RDX: variants seen among roughly 807,000 people sequenced by gnomAD.
The protein encoded by RDX is deafness, autosomal recessive 24.
A neutral mutation model predicts 83.7 loss-of-function variants in RDX; 32 were observed. The ratio of observed to expected loss-of-function variants is 0.38; its 90% CI spans 0.29 to 0.51. The LOEUF (loss-of-function observed/expected upper bound fraction) is 0.51. Ranked by LOEUF, RDX falls within the 20% of genes least tolerant of loss-of-function variation. RDX has a pLI of 0.87. For synonymous variants in RDX, 229 were observed against 222.7 expected (o/e 1.03, Z -0.25); for missense variants, 600 against 689.9 (o/e 0.87, Z 1.46).
intron 15 of RDX, among the ~76,000 whole-genome samples, chr11:110,180,721 G>A (rs1337029344): frequency 6.6e-6 from 1 of 151,474 alleles, no homozygotes; most frequent in Non-Finnish European, 1.5e-5. Flanking sequence ...TGCGATCTCG[G>A]CTAACTGCAA....
chr11:110,285,061 C>G (rs78561924), intron 1 of RDX, among the ~76,000 whole-genome samples: 5,740 of 152,128 alleles, frequency 0.038, 360 homozygotes, highest in African/African-American at 0.13. Context: ...TGTTTTTACA[C>G]CAATTTAGTG....
downstream of RDX, among the ~76,000 whole-genome samples, chr11:110,227,063 AT>A (rs549184291): frequency 4.4e-4 from 67 of 152,264 alleles, no homozygotes; most frequent in South Asian, 4.8e-3. Flanking sequence ...CTAGACTTGA[AT>A]TTCATAGACT....
In RDX at chr11:110,236,004, A is replaced by G. The variant is rs1393225957; in HGVS notation, c.1344+95T>C. Reference sequence around the variant, plus strand: ...AACACGAGTATCTTTCCCACTCTAAATTATGACAGTATCTTACACTTATCA... The same window carrying G: ...AACACGAGTATCTTTCCCACTCTAAGTTATGACAGTATCTTACACTTATCA... On this transcript the variant is annotated intron_variant, in intron 12 of 13. Transcript: ENST00000645495. The G allele has an allele frequency of 1.4e-5, 12 of 885,444 alleles. 1 individual carries two copies. Among genetic ancestry groups the G allele is most frequent in the South Asian group, 9.5e-5 (7 of 73,754 alleles). The allele number at this position is 885,444 out of a possible 1,614,324, so 54.8% of individuals were successfully genotyped here.
intron 2 of RDX, among the ~76,000 whole-genome samples, chr11:110,275,519 TTAAC>T (rs901900409): frequency 6.6e-6 from 1 of 152,196 alleles, no homozygotes; most frequent in African/African-American, 2.4e-5. Context: ...TACAATACGT[TTAAC>T]TGACCACTCA....
At chr11:110,189,486 T>C (rs550062364) in intron 15 of RDX, among the ~76,000 whole-genome samples, 1 of 152,244 alleles carries the variant, frequency 6.6e-6, no homozygotes, top group Non-Finnish European at 1.5e-5. Flanking sequence ...TGGACTTAAA[T>C]TTGACATTTG....
intron 8 of RDX, 54 bp downstream of exon 8, chr11:110,255,235 G>A: frequency 1.1e-6 from 1 of 922,664 alleles, no homozygotes; most frequent in Non-Finnish European, 1.8e-6. Flanking sequence ...GATATCATGG[G>A]AAACTAGCAG....
chr11:110,296,233 C>T (rs568387871), intron 1 of RDX, among the ~76,000 whole-genome samples: 1 of 152,078 alleles, frequency 6.6e-6, no homozygotes, highest in Admixed American at 6.5e-5. Context: ...GGCCGCGGCT[C>T]AGCCACGACT....
intron 5 of RDX, among the ~76,000 whole-genome samples, chr11:110,259,351 C>A (rs1859703951): frequency 2.0e-5 from 3 of 152,194 alleles, no homozygotes; most frequent in African/African-American, 7.2e-5. Flanking sequence ...TTCTCTTTGG[C>A]TCATATGATA....
chr11:110,198,921 T>G (rs900862559), intron 15 of RDX, among the ~76,000 whole-genome samples: 4 of 152,012 alleles, frequency 2.6e-5, no homozygotes, highest in African/African-American at 9.7e-5. Context: ...ATTCAAGCAA[T>G]TCTTCTGCCT....
intron 14 of RDX, among the ~76,000 whole-genome samples, chr11:110,214,078 C>T (rs1394417268): frequency 2.2e-4 from 28 of 126,778 alleles, no homozygotes; most frequent in Middle Eastern, 4.2e-3. Context: ...AGAAAATTTT[C>T]GCAACCTACT....
intron 11 of RDX, 191 bp from the exon 12 acceptor site, chr11:110,236,382 C>T (rs779985666): frequency 3.8e-5 from 20 of 530,776 alleles, no homozygotes; most frequent in Non-Finnish European, 5.3e-5. Flanking sequence ...GCTAAGGAGA[C>T]AAAATTAAAA....
At chr11:110,185,003 C>G (rs764656054) in intron 15 of RDX, 1 of 152,156 alleles carries the variant, frequency 6.6e-6, no homozygotes, top group Admixed American at 6.5e-5. Context: ...ATTCATCACA[C>G]GGTTCCCTAA....
chr11:110,275,584 T>C (rs1860481264), intron 2 of RDX, among the ~76,000 whole-genome samples: 1 of 152,164 alleles, frequency 6.6e-6, no homozygotes, highest in Non-Finnish European at 1.5e-5. Flanking sequence ...ATTGGGTTGT[T>C]TTTTCTTACT....
Position 110,266,779 on chromosome 11 carries a change from G to C in RDX, c.97-1905C>G, listed in dbSNP as rs189653922. Among the ~76,000 whole-genome samples, 207 of 152,086 alleles carry C rather than the reference G, an allele frequency of 1.4e-3. 1 individual carries two copies. The highest frequency in any genetic ancestry group is 4.8e-3 in the African/African-American group (200 of 41,496). On this transcript the variant is annotated intron_variant, in intron 3 of 13. Transcript: ENST00000645495. ...TTGTTTTGTTTTCTGTAGAGGCAGGGGTCTTGCTATGTCGCCAAGGCTAAT... is the reference window on the plus strand; with the variant it reads ...TTGTTTTGTTTTCTGTAGAGGCAGGCGTCTTGCTATGTCGCCAAGGCTAAT...
At chr11:110,197,451 C>A (rs1437786434) in intron 15 of RDX, among the ~76,000 whole-genome samples, 1 of 152,218 alleles carries the variant, frequency 6.6e-6, no homozygotes, top group African/African-American at 2.4e-5. Context: ...ATGTGGCAAT[C>A]ACCAACTCTG....
chr11:110,176,665 C>T (rs1266292713), intron 15 of RDX, among the ~76,000 whole-genome samples: 1 of 152,118 alleles, frequency 6.6e-6, no homozygotes, highest in Non-Finnish European at 1.5e-5. Flanking sequence ...GCAGGAAATG[C>T]CAAGTGGTGA....
chr11:110,237,827 G>A (rs1864924448), intron 10 of RDX, 175 bp from the exon 11 acceptor site: 1 of 753,180 alleles, frequency 1.3e-6, no homozygotes, highest in Admixed American at 2.0e-5. Context: ...CTGTTGCCCA[G>A]GCTGAAGTGC....
rs1447628053 is a variant in RDX, at chr11:110,199,467, T to A, written c.*31+114A>T. 4.6e-6 allele frequency: 3 copies of A among 654,110 alleles called. No individual in the cohort carries two copies. The Admixed American group carries it at 6.6e-5, about 14-fold the overall frequency. The allele number at this position is 654,110 out of a possible 1,614,324, so 40.5% of individuals were successfully genotyped here. A position where few individuals can be genotyped will look rare whatever the true frequency, so the allele number is the denominator to read the frequency against. On this transcript the variant is annotated intron_variant, in intron 15 of 15. Transcript: ENST00000528498. ...TTTGACTTGAAATCCACAGGTCCTG[T>A]GGATGAACAGGTTCAGATTTTATGA...
rs987606443 is a variant in RDX, at chr11:110,237,389, C to T, written c.1251+103G>A. 5 of 1,075,002 alleles carry T rather than the reference C, an allele frequency of 4.7e-6. No individual in the cohort carries two copies. In the South Asian group the frequency reaches 5.9e-5, roughly 13 times the overall value. 66.6% of individuals were successfully genotyped at this position (1,075,002 alleles called of 1,614,324 possible). A position where few individuals can be genotyped will look rare whatever the true frequency, so the allele number is the denominator to read the frequency against. ...TAAGTTACATGTTATCTTTGGCTTG[C>T]TCTCCAGAAAGCACAAAATGGTTGC... On this transcript the variant is annotated intron_variant, in intron 11 of 13. Transcript: ENST00000645495.
Sources: allele counts gnomAD v4.1 joint callset (sites outside exome capture counted in the v4.1 genomes callset), GRCh38; gene constraint gnomAD v4.1.1; transcripts MANE v1.5; gene names NCBI Gene and HGNC (gene_info 2026-07-23, HGNC 2026-07-21).